The following PRDM16 variants were observed in gnomAD, a reference collection of about 807,000 sequenced individuals.
PRDM16 encodes histone-lysine N-methyltransferase PRDM16.
Under a neutral mutation model 110.6 loss-of-function variants are expected in PRDM16, and 23 were observed. The observed-to-expected ratio is 0.21, with a 90% CI of 0.15 to 0.29. The LOEUF (loss-of-function observed/expected upper bound fraction) is 0.29. PRDM16 is among the 10% of genes least tolerant of loss of function. PRDM16 has a pLI of 1.00. For synonymous variants in PRDM16, 799 were observed against 781.8 expected (o/e 1.02, Z -0.37); for missense variants, 1,615 against 1,794.3 (o/e 0.90, Z 1.81).
At chr1:3,089,208 C>T (rs945351178) in intron 1 of PRDM16, among the ~76,000 whole-genome samples, 4 of 152,248 alleles carry the variant, frequency 2.6e-5, no homozygotes, top group South Asian at 2.1e-4. Context: ...ATGGTGTCTG[C>T]ACCAGCCCTG....
At chr1:3,233,926 C>T (rs1477444352) in intron 2 of PRDM16, among the ~76,000 whole-genome samples, 1 of 151,234 alleles carries the variant, frequency 6.6e-6, no homozygotes, top group Non-Finnish European at 1.5e-5. Flanking sequence ...ATTCTATGAA[C>T]TCTGGGAGAC....
chr1:3,227,119 G>A (rs1031837385), intron 2 of PRDM16, among the ~76,000 whole-genome samples: 5 of 152,218 alleles, frequency 3.3e-5, no homozygotes, highest in Non-Finnish European at 5.9e-5. Flanking sequence ...CTCTTCGGGC[G>A]TCTGTTACAA....
chr1:3,225,573 T>TGTGCGCGCGCGC (rs1336272072), intron 2 of PRDM16, among the ~76,000 whole-genome samples: 14 of 129,798 alleles, frequency 1.1e-4, no homozygotes, highest in African/African-American at 3.5e-4. Flanking sequence ...TGTGTGTGTG[T>TGTGCGCGCGCGC]GCGCGCGCGC....
At chr1:3,286,994 C>T (rs1441854574) in intron 3 of PRDM16, among the ~76,000 whole-genome samples, 2 of 151,956 alleles carry the variant, frequency 1.3e-5, no homozygotes, top group African/African-American at 2.4e-5. Context: ...TTCCTGGGTG[C>T]TGAGTCTGCC....
rs1251253323 is a variant in PRDM16 at position 3,358,766 on chromosome 1, G to A, written c.439-26386G>A. Among the ~76,000 whole-genome samples the A allele has an allele frequency of 6.6e-6, 1 of 152,194 alleles. No homozygotes were observed. Among genetic ancestry groups the A allele is most frequent in the Non-Finnish European group, 1.5e-5 (1 of 68,036 alleles). On this transcript the variant is annotated intron_variant, in intron 3 of 16. Coordinates refer to ENST00000270722, the MANE Select transcript of PRDM16 (RefSeq NM_022114.4). This position sits in a 1 kb window ranked among gnomAD's most constrained non-coding sequence, Gnocchi z 4.0. ...TCCAAACCCAGGACACTGTGTGTGA[G>A]TCCCACCTCCTTCCAGTCTCCACAA...
intron 1 of PRDM16, among the ~76,000 whole-genome samples, chr1:3,096,753 G>A (rs531519597): frequency 3.9e-5 from 6 of 152,300 alleles, no homozygotes; most frequent in Admixed American, 6.5e-5. Flanking sequence ...CTCTCCCTAC[G>A]AGAGCCGAGC....
intron 1 of PRDM16, among the ~76,000 whole-genome samples, chr1:3,181,877 C>CTTGCACACGCAGTT (rs143571316): frequency 2.1e-5 from 2 of 95,528 alleles, no homozygotes; most frequent in African/African-American, 6.8e-5. Flanking sequence ...TACACACGGT[C>CTTGCACACGCAGTT]TTGCACACGC....
chr1:3,356,266 C>T lies in PRDM16; in HGVS notation c.439-28886C>T, dbSNP rs373690006. ...TTTGTGGAATTGTTCCAAAGCCCCC[C>T]CCAGCCCCCCTGCGCCAAGCCACCA... On this transcript the variant is annotated intron_variant, in intron 3 of 16. Coordinates refer to ENST00000270722, the MANE Select transcript of PRDM16 (RefSeq NM_022114.4). 1.7e-3 allele frequency among the ~76,000 whole-genome samples: 255 copies of T among 152,326 alleles called. 1 individual carries two copies. The highest frequency in any genetic ancestry group is 5.7e-3 in the African/African-American group (237 of 41,588).
intron 3 of PRDM16, among the ~76,000 whole-genome samples, chr1:3,253,003 C>T (rs1378123728): frequency 2.0e-5 from 3 of 152,194 alleles, no homozygotes; most frequent in South Asian, 2.1e-4. Context: ...ACACCAGCCG[C>T]GTGTGCAGGA....
In PRDM16 at chr1:3,385,226, C is replaced by T. The variant is rs1407933880; in HGVS notation, c.513C>T (p.Tyr171=). Residue 171 remains tyrosine (Y), a synonymous_variant, in exon 4 of 17, where the codon TAC becomes TAT. Coordinates refer to ENST00000270722, the MANE Select transcript of PRDM16 (RefSeq NM_022114.4). ...NQAGAGSWLK[Y]IRVACSCDDQ... is the part of the protein sequence containing the mutation. The stretch of plus-strand genomic sequence containing the variant: ...CGGGGGCTGGCAGCTGGCTCAAGTA[C>T]ATCCGTGTGGCGTGCTCCTGCGATG... 1.2e-6 allele frequency: 2 copies of T among 1,613,632 alleles called. No individual in the cohort carries two copies. The highest frequency in any genetic ancestry group is 1.7e-6 in the Non-Finnish European group (2 of 1,180,002).
At chr1:3,406,287 G>A (rs1252556910) in intron 8 of PRDM16, among the ~76,000 whole-genome samples, 2 of 152,166 alleles carry the variant, frequency 1.3e-5, no homozygotes, top group Non-Finnish European at 2.9e-5. Flanking sequence ...TGGCAGCCTG[G>A]TGTGGGAGCT....
Position 3,411,543 on chromosome 1 carries a change from A to C in PRDM16, c.1346A>C (p.Asn449Thr). Reference sequence around the variant, plus strand: ...CACCGGCGCTTCTGCGAGGGCAAGAACCATTACACGCCGGGCGGCATCTTT... The same window carrying C: ...CACCGGCGCTTCTGCGAGGGCAAGACCCATTACACGCCGGGCGGCATCTTT... Reference protein sequence around the residue: ...NKHRRFCEGKNHYTPGGIFAP... With the variant: ...NKHRRFCEGKTHYTPGGIFAP... Residue 449 changes from asparagine to threonine, a missense_variant, in exon 9 of 17, where the codon AAC becomes ACC. Coordinates refer to ENST00000270722, the MANE Select transcript of PRDM16 (RefSeq NM_022114.4). 1 of 1,614,058 alleles carries C rather than the reference A, an allele frequency of 6.2e-7. No homozygotes were observed. Among genetic ancestry groups the C allele is most frequent in the Non-Finnish European group, 8.5e-7 (1 of 1,180,014 alleles).
At chr1:3,219,661 G>A (rs138989766) in intron 2 of PRDM16, among the ~76,000 whole-genome samples, 1 of 152,338 alleles carries the variant, frequency 6.6e-6, no homozygotes, top group Non-Finnish European at 1.5e-5. Flanking sequence ...GAGATTCTGT[G>A]CAGATAATGT....
chr1:3,273,209 C>T (rs1329894108), intron 3 of PRDM16, among the ~76,000 whole-genome samples: 1 of 152,184 alleles, frequency 6.6e-6, no homozygotes, highest in Non-Finnish European at 1.5e-5. Context: ...TAACCATCCC[C>T]CAACGCTGGT....
At chr1:3,178,918 G>C (rs1171735288) in intron 1 of PRDM16, among the ~76,000 whole-genome samples, 1 of 152,280 alleles carries the variant, frequency 6.6e-6, no homozygotes, top group Middle Eastern at 3.4e-3. Context: ...CCCACAGCCG[G>C]GTCCACCCAA....
chr1:3,315,305 G>A (rs1234679835), intron 3 of PRDM16, among the ~76,000 whole-genome samples: 1 of 152,072 alleles, frequency 6.6e-6, no homozygotes, highest in Non-Finnish European at 1.5e-5. Flanking sequence ...AGAAGGCTGG[G>A]GGATTTATAT....
At chr1:3,402,707 AG>A in intron 5 of PRDM16, 83 bp from the exon 6 acceptor site, 1 of 1,237,902 alleles carries the variant, frequency 8.1e-7, no homozygotes, top group African/African-American at 1.5e-5. Context: ...CACCGTGGTG[AG>A]GGGGCCAGGT....
At chr1:3,259,993 G>A (rs1288353843) in intron 3 of PRDM16, among the ~76,000 whole-genome samples, 1 of 152,040 alleles carries the variant, frequency 6.6e-6, no homozygotes, top group Non-Finnish European at 1.5e-5. Context: ...ACTTCTTTGG[G>A]CCCCTGGTTT....
At chr1:3,331,620 A>G (rs571322538) in intron 3 of PRDM16, among the ~76,000 whole-genome samples, 90 of 152,238 alleles carry the variant, frequency 5.9e-4, no homozygotes, top group Non-Finnish European at 9.3e-4. Context: ...ATTCGTCCAA[A>G]TCCTCTAATT....
Sources: allele counts gnomAD v4.1 joint callset (sites outside exome capture counted in the v4.1 genomes callset), GRCh38; gene constraint gnomAD v4.1.1; non-coding constraint Gnocchi (gnomAD v3.1); transcripts MANE v1.5; gene names NCBI Gene and HGNC (gene_info 2026-07-23, HGNC 2026-07-21).